The following LAMA2 variants were observed in gnomAD, a reference collection of about 807,000 sequenced individuals.
LAMA2 encodes the protein laminin subunit alpha 2.
LAMA2 carries 269 observed loss-of-function variants against 364.8 expected under a neutral mutation model. The observed-to-expected ratio is 0.74, with a 90% confidence interval of 0.67 to 0.82. LAMA2 has a LOEUF of 0.82. Among genes scored for constraint, LAMA2 ranks in the 40% least tolerant of loss-of-function variants. The pLI is 0.00. For synonymous variants in LAMA2, 1,379 were observed against 1,370.6 expected, an observed-to-expected ratio of 1.01 and a Z score of -0.14; for missense variants, 3,807 against 3,873.2, an observed-to-expected ratio of 0.98 and a Z score of 0.45.
intron 9 of LAMA2, among the ~76,000 whole-genome samples, chr6:129,175,772 A>G (rs184979510): frequency 7.7e-4 from 117 of 152,222 alleles, no homozygotes; most frequent in African/African-American, 2.7e-3. Context: ...GCAAACCACC[A>G]TGGCACGTGC....
At chr6:129,065,781 G>A (rs1346045809) in intron 3 of LAMA2, among the ~76,000 whole-genome samples, 1 of 152,128 alleles carries the variant, frequency 6.6e-6, no homozygotes, top group Non-Finnish European at 1.5e-5. Context: ...TGTTGTGGGA[G>A]GGACCTGGTG....
chr6:129,240,474 C>T (rs936781588), intron 12 of LAMA2, among the ~76,000 whole-genome samples: 1 of 152,068 alleles, frequency 6.6e-6, no homozygotes, highest in African/African-American at 2.4e-5. Context: ...TCCAAGAAAA[C>T]AATCATGCTT....
At chr6:129,151,738 C>T (rs6933608) in intron 7 of LAMA2, among the ~76,000 whole-genome samples, 2 of 152,038 alleles carry the variant, frequency 1.3e-5, no homozygotes, top group East Asian at 3.9e-4. Flanking sequence ...AGATCTTGTA[C>T]GAACTCACTC....
intron 4 of LAMA2, among the ~76,000 whole-genome samples, chr6:129,110,158 T>C (rs1776065971): frequency 1.3e-5 from 2 of 151,518 alleles, no homozygotes; most frequent in Non-Finnish European, 2.9e-5. Flanking sequence ...TTATAGAAAA[T>C]GTTTTCTGAA....
chr6:129,015,681 C>G (rs1785024400), intron 1 of LAMA2, among the ~76,000 whole-genome samples: 1 of 151,944 alleles, frequency 6.6e-6, no homozygotes, highest in Non-Finnish European at 1.5e-5. Flanking sequence ...TGTTCCTAAA[C>G]AAAGAATTTC....
chr6:129,057,501 T>G (rs1326867543), intron 2 of LAMA2, among the ~76,000 whole-genome samples: 1 of 152,236 alleles, frequency 6.6e-6, no homozygotes, highest in Non-Finnish European at 1.5e-5. Context: ...AGGTTATTAT[T>G]ACTTGGAAAA....
chr6:129,401,035 C>T (rs199601179), intron 37 of LAMA2, among the ~76,000 whole-genome samples, 189 bp from the exon 38 acceptor site: 1 of 151,970 alleles, frequency 6.6e-6, no homozygotes, highest in Admixed American at 6.6e-5. Context: ...ATAACCTGTA[C>T]AAGCCTCTAC....
chr6:129,326,225 A>G (rs1024548739), intron 28 of LAMA2, among the ~76,000 whole-genome samples: 1 of 152,138 alleles, frequency 6.6e-6, no homozygotes, highest in Admixed American at 6.6e-5. Flanking sequence ...TGTCTGTTAG[A>G]CTTTTCTAAG....
At chr6:128,960,133 T>C (rs1267758341) in intron 1 of LAMA2, among the ~76,000 whole-genome samples, 2 of 152,082 alleles carry the variant, frequency 1.3e-5, no homozygotes, top group Non-Finnish European at 2.9e-5. Flanking sequence ...CCAAATGTTC[T>C]GTAGTTTGAT....
At chr6:129,083,313 T>C (rs1283594342) in intron 3 of LAMA2, among the ~76,000 whole-genome samples, 4 of 152,196 alleles carry the variant, frequency 2.6e-5, no homozygotes, top group Non-Finnish European at 5.9e-5. Context: ...TTTGGAACTG[T>C]GGACTCCCTG....
intron 32 of LAMA2, among the ~76,000 whole-genome samples, chr6:129,357,468 G>C (rs190853404): frequency 7.9e-5 from 12 of 152,000 alleles, no homozygotes; most frequent in Admixed American, 7.9e-4. Context: ...GGATATATCA[G>C]CTTTTATTAT....
chr6:129,118,864 G>C (rs1325602050), intron 4 of LAMA2, among the ~76,000 whole-genome samples: 1 of 152,162 alleles, frequency 6.6e-6, no homozygotes, highest in African/African-American at 2.4e-5. Context: ...ATGGGCTGTT[G>C]CTCCTTATCC....
chr6:129,208,017 C>T (rs1298805104), intron 12 of LAMA2, among the ~76,000 whole-genome samples: 1 of 152,136 alleles, frequency 6.6e-6, no homozygotes, highest in Non-Finnish European at 1.5e-5. Context: ...CCAGAGTGAA[C>T]AAACATTGAA....
intron 32 of LAMA2, among the ~76,000 whole-genome samples, chr6:129,357,957 A>T (rs1583567893): frequency 6.6e-6 from 1 of 152,092 alleles, no homozygotes; most frequent in Admixed American, 6.6e-5. Context: ...CTGATTACTG[A>T]TCTAACACTT....
chr6:129,439,892 T>A (rs1782021036), intron 42 of LAMA2, among the ~76,000 whole-genome samples: 1 of 147,250 alleles, frequency 6.8e-6, no homozygotes, highest in Non-Finnish European at 1.5e-5. Context: ...ATAGATAACA[T>A]AGGTAACATT....
chr6:129,185,988 G>A (rs959219893), intron 10 of LAMA2, among the ~76,000 whole-genome samples: 1 of 151,648 alleles, frequency 6.6e-6, no homozygotes. Flanking sequence ...AGGCTGTAGT[G>A]TGAAAATTAT....
chr6:129,427,171 T>C (rs1392446739), intron 40 of LAMA2, among the ~76,000 whole-genome samples: 1 of 152,186 alleles, frequency 6.6e-6, no homozygotes, highest in Non-Finnish European at 1.5e-5. Flanking sequence ...GGCTCAGAGA[T>C]TGTCATTTAG....
At chr6:129,089,427 C>T (rs1774665845) in intron 3 of LAMA2, among the ~76,000 whole-genome samples, 1 of 152,200 alleles carries the variant, frequency 6.6e-6, no homozygotes, top group Admixed American at 6.5e-5. Context: ...GGTATTTCTC[C>T]AGGGTGAATA....
chr6:129,402,828 T>A (rs1266800357), intron 39 of LAMA2, among the ~76,000 whole-genome samples: 3 of 152,258 alleles, frequency 2.0e-5, no homozygotes, highest in African/African-American at 7.2e-5. Flanking sequence ...AAATACATTC[T>A]GTTTCAAATT....
Sources: allele counts gnomAD v4.1 joint callset (sites outside exome capture counted in the v4.1 genomes callset), GRCh38; gene constraint gnomAD v4.1.1; transcripts MANE v1.5; gene names NCBI Gene and HGNC (gene_info 2026-07-23, HGNC 2026-07-21).